Variants in EIPR1 observed in about 807,000 individuals in gnomAD.
EIPR1 encodes EARP complex and GARP complex interacting protein 1.
In EIPR1, 25 loss-of-function variants were observed where a neutral mutation model predicts 48.1. The ratio of observed to expected loss-of-function variants is 0.52; its 90% CI spans 0.38 to 0.73. The LOEUF (loss-of-function observed/expected upper bound fraction) is 0.73, where lower values mean the gene tolerates loss of function less well. Among genes scored for constraint, EIPR1 ranks in the 30% least tolerant of loss-of-function variants. The probability of loss-of-function intolerance (pLI) is 0.00; values close to 1 mark genes in which losing one functional copy is unlikely to be tolerated. For missense variants in EIPR1, 415 were observed against 506.2 expected, an observed-to-expected ratio of 0.82 and a Z score of 1.73; for synonymous variants, 204 against 201.9, an observed-to-expected ratio of 1.01 and a Z score of -0.09.
At chr2:3,272,930 C>T (rs559745287) in intron 3 of EIPR1, among the ~76,000 whole-genome samples, 1 of 152,112 alleles carries the variant, frequency 6.6e-6, no homozygotes, top group Admixed American at 6.5e-5. Flanking sequence ...CTGACAAACT[C>T]TCCTAGAATC....
At chr2:3,292,347 C>T (rs553937006) in intron 3 of EIPR1, among the ~76,000 whole-genome samples, 1 of 152,338 alleles carries the variant, frequency 6.6e-6, no homozygotes, top group African/African-American at 2.4e-5. Flanking sequence ...CAGATACTTC[C>T]CCCATGCTCA....
At chr2:3,242,809 C>A (rs915168465) in intron 4 of EIPR1, among the ~76,000 whole-genome samples, 1 of 152,184 alleles carries the variant, frequency 6.6e-6, no homozygotes, top group South Asian at 2.1e-4. Context: ...GCTTACAAAT[C>A]GTTTACAACA....
At chr2:3,231,427 A>AT (rs1230033114) in intron 4 of EIPR1, among the ~76,000 whole-genome samples, 2 of 152,250 alleles carry the variant, frequency 1.3e-5, no homozygotes, top group Admixed American at 6.5e-5. Context: ...TCCTGATATT[A>AT]TAAGAAAAGC....
At chr2:3,278,944 T>A (rs1667939486) in intron 3 of EIPR1, among the ~76,000 whole-genome samples, 1 of 152,196 alleles carries the variant, frequency 6.6e-6, no homozygotes, top group Non-Finnish European at 1.5e-5. Context: ...CCTTGGTTGA[T>A]ACGTGAGTTC....
chr2:3,303,684 C>T (rs907291969), intron 3 of EIPR1, among the ~76,000 whole-genome samples: 9 of 152,226 alleles, frequency 5.9e-5, no homozygotes, highest in African/African-American at 1.9e-4. Context: ...GCCACAAACC[C>T]GCCAGACGCC....
At chr2:3,208,034 C>T (rs1665295504) in intron 5 of EIPR1, 1 of 153,548 alleles carries the variant, frequency 6.5e-6, no homozygotes, top group Non-Finnish European at 1.4e-5. Context: ...GGCTATAAAG[C>T]TGACATTTAT....
At chr2:3,302,845 G>A (rs1242816980) in intron 3 of EIPR1, among the ~76,000 whole-genome samples, 3 of 152,202 alleles carry the variant, frequency 2.0e-5, no homozygotes, top group Non-Finnish European at 4.4e-5. Flanking sequence ...CAGGGCGTCT[G>A]GCATGCAGCA....
chr2:3,296,948 G>C (rs913442495), intron 3 of EIPR1, among the ~76,000 whole-genome samples: 1 of 152,240 alleles, frequency 6.6e-6, no homozygotes, highest in African/African-American at 2.4e-5. Context: ...TTCCTTAGGG[G>C]TTTCCAATTA....
chr2:3,257,315 G>T lies in EIPR1; in HGVS notation c.400C>A (p.His134Asn), dbSNP rs781218022. 18 of 1,613,760 alleles carry T rather than the reference G, an allele frequency of 1.1e-5. No individual in the cohort carries two copies. The Admixed American group carries it at 3.0e-4, about 27-fold the overall frequency. Residue 134 changes from histidine to asparagine, a missense_variant, in exon 4 of 9, where the codon CAT becomes AAT. Physicochemically the swap from His to Asn is moderately conservative, Grantham distance 68. Coordinates refer to ENST00000382125, the MANE Select transcript of EIPR1 (RefSeq NM_003310.5). ...ELLCHLDNTA[H>N]GNMACVVWEP... ...AAATCCTACCAGGCCATGTTGCCAT[G>T]GGCTGTGTTGTCAAGGTGACAGAGC...
chr2:3,244,116 C>T (rs2103193246), intron 4 of EIPR1, among the ~76,000 whole-genome samples: 1 of 152,342 alleles, frequency 6.6e-6, no homozygotes, highest in Non-Finnish European at 1.5e-5. Flanking sequence ...ACGGCTGCAT[C>T]AGCAAAGGAC....
chr2:3,328,963 C>T (rs184869682), intron 3 of EIPR1, among the ~76,000 whole-genome samples: 794 of 65,798 alleles, frequency 0.012, 52 homozygotes, highest in East Asian at 0.073. Context: ...GGGCACCAGC[C>T]AGGCTCCCCT....
Position 3,199,072 on chromosome 2 carries a change from GCC to G in EIPR1, c.517-2057_517-2056del, listed in dbSNP as rs986945204. Among the ~76,000 whole-genome samples the G allele has an allele frequency of 4.1e-4, 10 of 24,376 alleles. 2 individuals are homozygous for G. The highest frequency in any genetic ancestry group is 2.8e-3 in the South Asian group (2 of 712). 16.0% of individuals were successfully genotyped at this position (24,376 alleles called of 152,430 possible). On this transcript the variant is annotated intron_variant, in intron 5 of 8. Transcript: ENST00000382125. ...GGCCATTTTAGAGGGCCCCCCCCCC[GCC>G]CCGGGAATGCATTCTTTTCCCGGGC...
chr2:3,363,270 CAA>C (rs909169261), intron 1 of EIPR1, among the ~76,000 whole-genome samples: 2 of 151,468 alleles, frequency 1.3e-5, no homozygotes, highest in Non-Finnish European at 2.9e-5. Flanking sequence ...GGAAGAAAAA[CAA>C]AAAAAGACAT....
At chr2:3,295,704 CACCCTCCATCAAGCCCATCCTCTCTACAT>C in intron 3 of EIPR1, among the ~76,000 whole-genome samples, 1 of 126,408 alleles carries the variant, frequency 7.9e-6, no homozygotes, top group Non-Finnish European at 1.7e-5. Context: ...TCTCTCTGCA[CACCCTCCATCAAGCCCATCCTCTCTACAT>C]ACACACACCC....
intron 3 of EIPR1, among the ~76,000 whole-genome samples, chr2:3,276,364 C>T (rs1667849493): frequency 6.6e-6 from 1 of 152,218 alleles, no homozygotes; most frequent in Admixed American, 6.5e-5. Context: ...TACTTTTATC[C>T]ACAGCTCTGA....
At chr2:3,306,290 C>A (rs1270943747) in intron 3 of EIPR1, among the ~76,000 whole-genome samples, 1 of 152,202 alleles carries the variant, frequency 6.6e-6, no homozygotes, top group East Asian at 1.9e-4. Context: ...TCTCTTTTCC[C>A]CCCTTCTGTT....
At chr2:3,271,247 T>A (rs1667693686) in intron 3 of EIPR1, among the ~76,000 whole-genome samples, 1 of 152,192 alleles carries the variant, frequency 6.6e-6, no homozygotes, top group Admixed American at 6.5e-5. Flanking sequence ...TCCACAAGGG[T>A]TAGAGTCAAC....
intron 3 of EIPR1, among the ~76,000 whole-genome samples, chr2:3,265,149 T>C (rs1667449366): frequency 5.1e-5 from 1 of 19,610 alleles, no homozygotes; most frequent in Non-Finnish European, 8.9e-5. Flanking sequence ...TAATAAAGTA[T>C]GTGAACACCA....
intron 3 of EIPR1, among the ~76,000 whole-genome samples, chr2:3,307,598 C>G (rs531726814): frequency 3.3e-5 from 5 of 152,218 alleles, no homozygotes; most frequent in Non-Finnish European, 7.3e-5. Flanking sequence ...GCAGCCCGGG[C>G]ACGGAAAGAC....
Sources: allele counts gnomAD v4.1 joint callset (sites outside exome capture counted in the v4.1 genomes callset), GRCh38; gene constraint gnomAD v4.1.1; transcripts MANE v1.5; gene names NCBI Gene and HGNC (gene_info 2026-07-23, HGNC 2026-07-21).